Variants in GALNT10 observed in about 807,000 individuals in gnomAD.
GALNT10 encodes GalNAc transferase 10.
GALNT10 carries 41 observed loss-of-function variants against 75.0 expected under a neutral mutation model. That is an observed-to-expected ratio of 0.55 (90% CI 0.43 to 0.71). GALNT10 has a LOEUF of 0.71. Among genes scored for constraint, GALNT10 ranks in the 30% least tolerant of loss-of-function variants. GALNT10 has a pLI of 0.00. For missense variants in GALNT10, 727 were observed against 818.5 expected, an observed-to-expected ratio of 0.89 and a Z score of 1.36; for synonymous variants, 302 against 313.0, an observed-to-expected ratio of 0.96 and a Z score of 0.37.
In GALNT10 at chr5:154,376,341, C is replaced by G. The variant is rs1755651702; in HGVS notation, c.633C>G (p.Thr211=). 6.2e-7 allele frequency: 1 copy of G among 1,611,846 alleles called. No individual in the cohort carries two copies. The highest frequency in any genetic ancestry group is 8.5e-7 in the Non-Finnish European group (1 of 1,178,838). Residue 211 remains threonine (T), a synonymous_variant, in exon 5 of 12, where the codon ACC becomes ACG. Transcript: ENST00000297107. The surrounding 1 kb of genome is among the most constrained non-coding windows in gnomAD (Gnocchi z 4.1). ...ALFPSVRILR[T]KKREGLIRTR... ...TCCCCAGTGTGAGGATTCTTCGAACCAAGAAACGGGAAGGGCTGATAAGGA... is the reference window on the plus strand; with the variant it reads ...TCCCCAGTGTGAGGATTCTTCGAACGAAGAAACGGGAAGGGCTGATAAGGA...
chr5:154,357,677 C>G (rs1051383354), intron 4 of GALNT10, among the ~76,000 whole-genome samples: 2 of 152,138 alleles, frequency 1.3e-5, no homozygotes, highest in African/African-American at 4.8e-5. Context: ...TCTCTGAGAC[C>G]TCATTCCCAC....
chr5:154,345,453 C>A (rs1755106380), intron 4 of GALNT10, among the ~76,000 whole-genome samples: 1 of 152,036 alleles, frequency 6.6e-6, no homozygotes, highest in Admixed American at 6.6e-5. Context: ...CTCCCTATTT[C>A]CCCCACCCGG....
intron 4 of GALNT10, among the ~76,000 whole-genome samples, chr5:154,344,906 C>A (rs960923060): frequency 4.6e-5 from 7 of 152,150 alleles, no homozygotes; most frequent in Non-Finnish European, 1.0e-4. Context: ...CAGGGAGCAC[C>A]TATTGCTGGC....
intron 3 of GALNT10, among the ~76,000 whole-genome samples, chr5:154,310,450 TTTGTTTG>T (rs1415916123): frequency 9.6e-6 from 1 of 104,274 alleles, no homozygotes; most frequent in African/African-American, 4.0e-5. Context: ...TGTTTTTTTT[TTTGTTTG>T]TTTGTTTGTT....
At chr5:154,288,553 G>A (rs1754147170) in intron 1 of GALNT10, among the ~76,000 whole-genome samples, 1 of 151,382 alleles carries the variant, frequency 6.6e-6, no homozygotes, top group African/African-American at 2.4e-5. Context: ...ATTATTTAAT[G>A]TGATTTCCAC....
chr5:154,269,779 T>A (rs1753834330), intron 1 of GALNT10, among the ~76,000 whole-genome samples: 2 of 152,296 alleles, frequency 1.3e-5, no homozygotes, highest in Non-Finnish European at 2.9e-5. Flanking sequence ...GTCTGGGACA[T>A]CCTTCGGAAG....
At chr5:154,395,328 T>A (rs1755994061) in intron 7 of GALNT10, among the ~76,000 whole-genome samples, 1 of 152,182 alleles carries the variant, frequency 6.6e-6, no homozygotes, top group South Asian at 2.1e-4. Flanking sequence ...CTGCCTGGGT[T>A]CTAGTGCAAA....
chr5:154,364,988 A>G (rs1265770258), intron 4 of GALNT10, among the ~76,000 whole-genome samples: 1 of 152,176 alleles, frequency 6.6e-6, no homozygotes, highest in African/African-American at 2.4e-5. Context: ...GAGTGTTTTT[A>G]TTCGTCGTCT....
chr5:154,344,478 A>G (rs1028893099), intron 4 of GALNT10, among the ~76,000 whole-genome samples: 14 of 152,196 alleles, frequency 9.2e-5, no homozygotes, highest in Admixed American at 3.3e-4. Context: ...CCAAAGTGCT[A>G]GGATTACAGG....
intron 4 of GALNT10, among the ~76,000 whole-genome samples, chr5:154,366,526 A>T (rs1302557118): frequency 6.6e-6 from 1 of 152,148 alleles, no homozygotes; most frequent in Non-Finnish European, 1.5e-5. Context: ...GTCTTTGACT[A>T]AGGGGGTTAG....
chr5:154,405,214 G>T (rs2113213699), intron 8 of GALNT10, among the ~76,000 whole-genome samples: 1 of 152,290 alleles, frequency 6.6e-6, no homozygotes, highest in Middle Eastern at 3.4e-3. Context: ...CAACCTTGAC[G>T]TGTAGAATTG....
intron 4 of GALNT10, among the ~76,000 whole-genome samples, chr5:154,356,565 C>T (rs1581990047): frequency 6.6e-6 from 1 of 152,294 alleles, no homozygotes; most frequent in African/African-American, 2.4e-5. Flanking sequence ...AAGCTTTTTT[C>T]CTTTTTTCAA....
intron 1 of GALNT10, among the ~76,000 whole-genome samples, chr5:154,292,888 A>G (rs1242203409): frequency 2.0e-5 from 3 of 152,114 alleles, no homozygotes; most frequent in South Asian, 4.1e-4. Context: ...AACTGATTAG[A>G]TGGTTCCATA....
At chr5:154,343,432 G>A (rs1449414312) in intron 4 of GALNT10, among the ~76,000 whole-genome samples, 1 of 152,102 alleles carries the variant, frequency 6.6e-6, no homozygotes, top group Non-Finnish European at 1.5e-5. Context: ...AAAGCACTTT[G>A]GAAAGTATTC....
At chr5:154,199,636 G>A (rs900070446) in intron 1 of GALNT10, among the ~76,000 whole-genome samples, 3 of 152,156 alleles carry the variant, frequency 2.0e-5, no homozygotes, top group Admixed American at 6.5e-5. Flanking sequence ...TCCAGGATGC[G>A]TGCTCTGCCT....
intron 1 of GALNT10, among the ~76,000 whole-genome samples, chr5:154,251,821 T>G (rs143121127): frequency 1.3e-5 from 2 of 152,170 alleles, no homozygotes; most frequent in Non-Finnish European, 2.9e-5. Context: ...AGACCACAAA[T>G]TGGGCATTAG....
At chr5:154,258,023 G>A (rs1753643131) in intron 1 of GALNT10, among the ~76,000 whole-genome samples, 1 of 152,084 alleles carries the variant, frequency 6.6e-6, no homozygotes. Flanking sequence ...AATAAATACG[G>A]CATTTCTTTT....
In GALNT10 at chr5:154,269,046, C is replaced by T. The variant is rs182610511; in HGVS notation, c.160-25770C>T. Among the ~76,000 whole-genome samples the T allele has an allele frequency of 1.2e-3, 184 of 150,464 alleles. 43 individuals carry two copies. The highest frequency in any genetic ancestry group is 4.4e-3 in the African/African-American group (177 of 40,346). On this transcript the variant is annotated intron_variant, in intron 1 of 11. Coordinates refer to ENST00000297107, the MANE Select transcript of GALNT10 (RefSeq NM_198321.4). ...CCCTCATCTCATTGTGGCTCAAATG[C>T]ACCATCTCAGCTCACTGCAATCTCC...
intron 1 of GALNT10, among the ~76,000 whole-genome samples, chr5:154,278,611 G>A (rs556632363): frequency 3.9e-5 from 6 of 152,202 alleles, no homozygotes; most frequent in African/African-American, 1.2e-4. Context: ...CAATTGTGTG[G>A]CATTAAATAT....
Sources: gnomAD v4.1 joint callset for allele counts (sites outside exome capture counted in the v4.1 genomes callset) on GRCh38, gnomAD v4.1.1 for gene constraint, Gnocchi (gnomAD v3.1) non-coding constraint, MANE v1.5 for transcripts, NCBI Gene and HGNC (gene_info 2026-07-23, HGNC 2026-07-21) for gene names.